Variants in TXLNB observed in about 807,000 individuals in gnomAD.
TXLNB encodes the protein taxilin beta.
A neutral mutation model predicts 57.4 loss-of-function variants in TXLNB; 37 were observed. The ratio of observed to expected loss-of-function variants is 0.64; its 90% CI spans 0.50 to 0.85. TXLNB has a LOEUF of 0.85. Ranked by LOEUF, TXLNB falls within the 40% of genes least tolerant of loss-of-function variation. The pLI is 0.00. For missense variants in TXLNB, 848 were observed against 825.6 expected (o/e 1.03, Z -0.33); for synonymous variants, 302 against 309.6 (o/e 0.98, Z 0.26).
the TXLNB span, among the ~76,000 whole-genome samples, chr6:139,188,279 T>G: frequency 6.6e-6 from 1 of 152,140 alleles, no homozygotes; most frequent in Admixed American, 6.5e-5. Flanking sequence ...GGCAGTGAGA[T>G]GAGAAGAGGG....
At chr6:139,194,367 T>C in the TXLNB span, among the ~76,000 whole-genome samples, 1 of 152,050 alleles carries the variant, frequency 6.6e-6, no homozygotes, top group East Asian at 1.9e-4. Context: ...TCTCACAGAG[T>C]ATCTATCAGA....
intron 9 of TXLNB, 120 bp from the exon 10 acceptor site, chr6:139,243,434 C>G: frequency 9.8e-7 from 1 of 1,017,636 alleles, no homozygotes; most frequent in Non-Finnish European, 1.4e-6. Flanking sequence ...CTACTAGGCT[C>G]TGGGACCTGG....
chr6:139,209,138 C>T, the TXLNB span, among the ~76,000 whole-genome samples: 1 of 152,120 alleles, frequency 6.6e-6, no homozygotes, highest in South Asian at 2.1e-4. Context: ...TCCTACTATA[C>T]ACCAACAATG....
chr6:139,238,345 T>C (rs964371025), downstream of TXLNB, among the ~76,000 whole-genome samples: 5 of 152,104 alleles, frequency 3.3e-5, no homozygotes, highest in African/African-American at 4.8e-5. Flanking sequence ...AGTAAGCCGA[T>C]ATCACGCCAC....
intron 2 of TXLNB, among the ~76,000 whole-genome samples, chr6:139,282,193 A>C (rs971398686): frequency 4.0e-5 from 6 of 150,000 alleles, no homozygotes; most frequent in Non-Finnish European, 5.9e-5. Context: ...GAAAATATCA[A>C]AGCTGCAGTT....
At chr6:139,300,064 G>A in the TXLNB span, among the ~76,000 whole-genome samples, 1 of 152,090 alleles carries the variant, frequency 6.6e-6, no homozygotes, top group Non-Finnish European at 1.5e-5. Context: ...AGGGTCAGAA[G>A]TTCTTCTCTC....
At chr6:139,259,186 T>C (rs1776419541) in intron 6 of TXLNB, among the ~76,000 whole-genome samples, 1 of 152,200 alleles carries the variant, frequency 6.6e-6, no homozygotes, top group African/African-American at 2.4e-5. Flanking sequence ...GTCTTCTTGC[T>C]CTCTTGTCCC....
chr6:139,195,665 C>A, the TXLNB span, among the ~76,000 whole-genome samples: 48 of 152,302 alleles, frequency 3.2e-4, no homozygotes, highest in African/African-American at 1.1e-3. Flanking sequence ...AACCACAAAA[C>A]TGAAGACAAC....
the TXLNB span, among the ~76,000 whole-genome samples, chr6:139,193,683 T>G: frequency 5.4e-3 from 816 of 151,042 alleles, 8 homozygotes; most frequent in South Asian, 0.047. Context: ...AAGACGGAGT[T>G]TTGCTCTGTC....
At chr6:139,160,454 T>C in the TXLNB span, among the ~76,000 whole-genome samples, 1 of 152,210 alleles carries the variant, frequency 6.6e-6, no homozygotes, top group Non-Finnish European at 1.5e-5. Context: ...CTGTTTTTAG[T>C]TTGGAGACAA....
the TXLNB span, among the ~76,000 whole-genome samples, chr6:139,323,845 T>C: frequency 1.3e-5 from 2 of 152,184 alleles, no homozygotes; most frequent in Non-Finnish European, 2.9e-5. Flanking sequence ...GCTCGGCCCC[T>C]GTTTCTCAAA....
At chr6:139,192,306 T>G in the TXLNB span, among the ~76,000 whole-genome samples, 3 of 152,182 alleles carry the variant, frequency 2.0e-5, no homozygotes, top group African/African-American at 7.2e-5. Context: ...GATCAAGAAG[T>G]CAGCTCTTTA....
chr6:139,194,277 T>C, the TXLNB span, among the ~76,000 whole-genome samples: 2 of 152,186 alleles, frequency 1.3e-5, no homozygotes, highest in African/African-American at 2.4e-5. Context: ...GCATGTCACA[T>C]GGCCAAGACC....
the TXLNB span, chr6:139,180,246 G>A: frequency 6.6e-6 from 1 of 152,220 alleles, no homozygotes; most frequent in South Asian, 2.1e-4. Flanking sequence ...CATCTAAAAA[G>A]AATCTTATTA....
At position 139,281,539 on chromosome 6, in the gene TXLNB, C is replaced by CCT. The variant is rs1213464486; in HGVS notation, c.425-4619_425-4618insAG. Among the ~76,000 whole-genome samples, 63 of 57,448 alleles carry CCT rather than the reference C, an allele frequency of 1.1e-3. 5 individuals are homozygous for CCT. The East Asian group carries it at 0.015, about 14-fold the overall frequency. The allele number at this position is 57,448 out of a possible 152,430, so 37.7% of individuals were successfully genotyped here. On this transcript the variant is annotated intron_variant, in intron 2 of 9. Coordinates refer to ENST00000358430, the MANE Select transcript of TXLNB (RefSeq NM_153235.4). ...TCAGTAGGAGAGTGGATCTGGAGTT[C>CCT]TTTTTTTTTTTTTTTTTTTTTTTTT...
At chr6:139,195,153 C>T in the TXLNB span, among the ~76,000 whole-genome samples, 2 of 152,150 alleles carry the variant, frequency 1.3e-5, no homozygotes, top group African/African-American at 4.8e-5. Flanking sequence ...ATGGCCCCTT[C>T]CCCCATCTTG....
chr6:139,208,020 A>T, the TXLNB span, among the ~76,000 whole-genome samples: 1 of 152,006 alleles, frequency 6.6e-6, no homozygotes, highest in Non-Finnish European at 1.5e-5. Flanking sequence ...AGGTTGCAGT[A>T]AGCCGAGATC....
the TXLNB span, among the ~76,000 whole-genome samples, chr6:139,223,547 C>T: frequency 1.3e-5 from 2 of 152,110 alleles, no homozygotes; most frequent in South Asian, 2.1e-4. Context: ...ACCTACTCAT[C>T]TGACAAAGGG....
chr6:139,200,802 A>G, the TXLNB span, among the ~76,000 whole-genome samples: 1 of 152,156 alleles, frequency 6.6e-6, no homozygotes, highest in South Asian at 2.1e-4. Context: ...CATCTTGTCA[A>G]TATTTTTCTT....
Sources: gnomAD v4.1 joint callset for allele counts (sites outside exome capture counted in the v4.1 genomes callset) on GRCh38, gnomAD v4.1.1 for gene constraint, MANE v1.5 for transcripts, NCBI Gene and HGNC (gene_info 2026-07-23, HGNC 2026-07-21) for gene names.